The following GABRG3 variants were observed in gnomAD, a reference collection of about 807,000 sequenced individuals.
The protein encoded by GABRG3 is gamma-aminobutyric acid receptor subunit gamma-3.
A neutral mutation model predicts 48.8 loss-of-function variants in GABRG3; 25 were observed. The ratio of observed to expected loss-of-function variants is 0.51; its 90% CI spans 0.37 to 0.72. The LOEUF (loss-of-function observed/expected upper bound fraction) is 0.72, where lower values mean the gene tolerates loss of function less well. Ranked by LOEUF, GABRG3 falls within the 30% of genes least tolerant of loss-of-function variation. The pLI is 0.00. For synonymous variants in GABRG3, 227 were observed against 217.6 expected (o/e 1.04, Z -0.38); for missense variants, 394 against 577.9 (o/e 0.68, Z 3.26).
rs1275050203 is a variant in GABRG3 at position 27,534,092 on chromosome 15, C to A, written c.*1211C>A. The A allele has an allele frequency of 6.6e-6, 1 of 151,636 alleles. No homozygotes were observed. Among genetic ancestry groups the A allele is most frequent in the Admixed American group, 6.6e-5 (1 of 15,228 alleles). The allele number at this position is 151,636 out of a possible 1,614,324, so 9.4% of individuals were successfully genotyped here. A position where few individuals can be genotyped will look rare whatever the true frequency, so the allele number is the denominator to read the frequency against. On this transcript the variant is annotated 3_prime_UTR_variant, in exon 10 of 10. Coordinates refer to ENST00000615808, the MANE Select transcript of GABRG3 (RefSeq NM_033223.5). ...GGCCTGGCTGGTCTCGAACTCCTGA[C>A]CTCAGGTGATCTGCCCGCCTCAGCC...
At chr15:27,048,504 C>A (rs1183761619) in intron 3 of GABRG3, among the ~76,000 whole-genome samples, 1 of 152,172 alleles carries the variant, frequency 6.6e-6, no homozygotes, top group Non-Finnish European at 1.5e-5. Context: ...GGCCTGCAGG[C>A]AGGTGGCTGG....
intron 3 of GABRG3, among the ~76,000 whole-genome samples, chr15:27,173,382 C>A (rs918382599): frequency 6.6e-6 from 1 of 152,110 alleles, no homozygotes. Context: ...ACCCATTATA[C>A]CTCCTCCTTG....
chr15:27,459,040 A>T (rs1000604213), intron 5 of GABRG3, among the ~76,000 whole-genome samples: 9 of 152,230 alleles, frequency 5.9e-5, no homozygotes, highest in African/African-American at 1.7e-4. Flanking sequence ...TCCAACACCC[A>T]TAAGTCTTCT....
At chr15:27,329,091 G>A (rs1256926187) in intron 5 of GABRG3, among the ~76,000 whole-genome samples, 5 of 152,142 alleles carry the variant, frequency 3.3e-5, no homozygotes, top group African/African-American at 4.8e-5. Flanking sequence ...AGGTGATCTC[G>A]ATAAGGCTGT....
chr15:27,351,408 TG>T, intron 5 of GABRG3, among the ~76,000 whole-genome samples: 1 of 145,956 alleles, frequency 6.9e-6, no homozygotes, highest in South Asian at 2.2e-4. Context: ...GTGTGTATAG[TG>T]TTTGTGTGTG....
intron 6 of GABRG3, among the ~76,000 whole-genome samples, chr15:27,495,256 A>T (rs1890456799): frequency 6.6e-6 from 1 of 152,194 alleles, no homozygotes; most frequent in South Asian, 2.1e-4. Flanking sequence ...CACTTAGCAT[A>T]ACGTCCTGGA....
chr15:27,439,854 G>A (rs1888730730), intron 5 of GABRG3, among the ~76,000 whole-genome samples: 1 of 152,198 alleles, frequency 6.6e-6, no homozygotes, highest in Admixed American at 6.5e-5. Flanking sequence ...TTTAGGGGTA[G>A]ACGGCACCAG....
At chr15:27,525,281 C>T (rs986485718) in intron 7 of GABRG3, among the ~76,000 whole-genome samples, 8 of 152,116 alleles carry the variant, frequency 5.3e-5, no homozygotes, top group Non-Finnish European at 8.8e-5. Context: ...TATATTCACT[C>T]ATCCCTCCAA....
At chr15:26,998,509 A>G (rs886247682) in intron 2 of GABRG3, among the ~76,000 whole-genome samples, 5 of 152,194 alleles carry the variant, frequency 3.3e-5, no homozygotes, top group Non-Finnish European at 7.3e-5. Flanking sequence ...TCTTTCTGGC[A>G]TGGAACCCCC....
At chr15:27,171,507 C>CAT (rs57913193) in intron 3 of GABRG3, among the ~76,000 whole-genome samples, 81,372 of 144,194 alleles carry the variant, frequency 0.56, 23,038 homozygotes, top group African/African-American at 0.6. Flanking sequence ...GCATGTCTAA[C>CAT]ATATATATAT....
At chr15:27,067,436 C>T (rs576098779) in intron 3 of GABRG3, among the ~76,000 whole-genome samples, 10 of 152,280 alleles carry the variant, frequency 6.6e-5, no homozygotes, top group South Asian at 2.1e-4. Context: ...TGCCCCTTTC[C>T]GGAGAACATG....
At chr15:27,350,001 CTACT>C (rs773784809) in intron 5 of GABRG3, 1 of 416,878 alleles carries the variant, frequency 2.4e-6, no homozygotes, top group South Asian at 1.7e-5. Flanking sequence ...TCACTTCTGG[CTACT>C]TAAATAGTAG....
chr15:27,149,606 C>G (rs1229644851), intron 3 of GABRG3, among the ~76,000 whole-genome samples: 1 of 152,100 alleles, frequency 6.6e-6, no homozygotes, highest in South Asian at 2.1e-4. Context: ...CTACTGCAGT[C>G]AAGACAATGT....
At chr15:27,170,303 T>A (rs1292860186) in intron 3 of GABRG3, among the ~76,000 whole-genome samples, 1 of 152,198 alleles carries the variant, frequency 6.6e-6, no homozygotes, top group East Asian at 1.9e-4. Context: ...GAAAATATAC[T>A]GTTGTAAATC....
chr15:27,193,770 G>A (rs961635299), intron 3 of GABRG3, among the ~76,000 whole-genome samples: 6 of 152,120 alleles, frequency 3.9e-5, no homozygotes, highest in Non-Finnish European at 5.9e-5. Flanking sequence ...AGATGAACCC[G>A]GTACCTCAGA....
rs148682383 is a variant in GABRG3 at position 27,260,061 on chromosome 15, C to T, written c.271-66748C>T. Among the ~76,000 whole-genome samples, 824 of 152,268 alleles carry T rather than the reference C, an allele frequency of 5.4e-3. 5 individuals are homozygous for T. The highest frequency in any genetic ancestry group is 0.018 in the African/African-American group (754 of 41,552). On this transcript the variant is annotated intron_variant, in intron 3 of 9. Coordinates refer to ENST00000615808, the MANE Select transcript of GABRG3 (RefSeq NM_033223.5). ...AATGTTGTGTCCTAATTTCCATCCTCGGGACTCCTGTCTATCATGTGTTGT... is the reference window on the plus strand; with the variant it reads ...AATGTTGTGTCCTAATTTCCATCCTTGGGACTCCTGTCTATCATGTGTTGT...
At chr15:27,011,274 C>T (rs548301370) in intron 2 of GABRG3, among the ~76,000 whole-genome samples, 18 of 152,284 alleles carry the variant, frequency 1.2e-4, no homozygotes, top group African/African-American at 3.4e-4. Flanking sequence ...TTTATTGTGA[C>T]GTGTACAACT....
At chr15:27,480,106 A>G (rs1262251709) in intron 5 of GABRG3, among the ~76,000 whole-genome samples, 1 of 152,216 alleles carries the variant, frequency 6.6e-6, no homozygotes, top group Non-Finnish European at 1.5e-5. Flanking sequence ...TGGAATAATT[A>G]ACCACATGAG....
chr15:27,315,763 A>C (rs984325111), intron 3 of GABRG3, among the ~76,000 whole-genome samples: 1 of 152,230 alleles, frequency 6.6e-6, no homozygotes, highest in South Asian at 2.1e-4. Context: ...ACACTTTGCA[A>C]ATAATTAAAA....
Sources: gnomAD v4.1 joint callset for allele counts (sites outside exome capture counted in the v4.1 genomes callset) on GRCh38, gnomAD v4.1.1 for gene constraint, MANE v1.5 for transcripts, NCBI Gene and HGNC (gene_info 2026-07-23, HGNC 2026-07-21) for gene names.